Variants in UNC79 observed in about 807,000 individuals in gnomAD.
UNC79 encodes protein unc-79 homolog.
In UNC79, 37 loss-of-function variants were observed where a neutral mutation model predicts 283.1. That is an observed-to-expected ratio of 0.13 (90% CI 0.10 to 0.17). The LOEUF (loss-of-function observed/expected upper bound fraction) is 0.17, where lower values mean the gene tolerates loss of function less well. UNC79 is among the 10% of genes least tolerant of loss of function. UNC79 has a pLI of 1.00. For missense variants in UNC79, 2,272 were observed against 3,211.1 expected (o/e 0.71, Z 7.07); for synonymous variants, 1,107 against 1,200.2 (o/e 0.92, Z 1.61).
At chr14:93,463,609 A>G (rs947991959) in intron 1 of UNC79, among the ~76,000 whole-genome samples, 1 of 152,168 alleles carries the variant, frequency 6.6e-6, no homozygotes, top group African/African-American at 2.4e-5. Context: ...TGACAGGACA[A>G]GGAAAGGAGC....
intron 1 of UNC79, among the ~76,000 whole-genome samples, chr14:93,348,514 C>T (rs140727934): frequency 2.0e-5 from 3 of 152,186 alleles, no homozygotes; most frequent in African/African-American, 4.8e-5. Context: ...AGATGTGTAG[C>T]TGTGAGGTAA....
intron 1 of UNC79, among the ~76,000 whole-genome samples, chr14:93,353,911 C>T (rs1025057588): frequency 6.6e-6 from 1 of 152,140 alleles, no homozygotes; most frequent in African/African-American, 2.4e-5. Context: ...CTAACTTGCC[C>T]TAGAAGAGGA....
intron 7 of UNC79, among the ~76,000 whole-genome samples, chr14:93,517,317 A>C (rs1240712463): frequency 4.1e-4 from 29 of 70,360 alleles, no homozygotes; most frequent in Admixed American, 5.6e-4. Context: ...TTTTCTTTCT[A>C]TCCTTCTCTT....
chr14:93,656,530 T>G (rs901990300), intron 38 of UNC79, among the ~76,000 whole-genome samples: 1 of 152,154 alleles, frequency 6.6e-6, no homozygotes, highest in African/African-American at 2.4e-5. Context: ...GGCATGCACC[T>G]GTAGTCCCAG....
intron 14 of UNC79, among the ~76,000 whole-genome samples, chr14:93,557,986 T>C (rs2062272755): frequency 6.6e-6 from 1 of 152,138 alleles, no homozygotes; most frequent in South Asian, 2.1e-4. Flanking sequence ...TGAGAGAGAA[T>C]ACCCCCACAT....
At chr14:93,635,566 CT>C (rs1050601669) in intron 31 of UNC79, among the ~76,000 whole-genome samples, 5 of 152,118 alleles carry the variant, frequency 3.3e-5, no homozygotes, top group African/African-American at 1.2e-4. Context: ...TATTGAGATA[CT>C]TTTATTTTCT....
chr14:93,517,960 T>C, intron 7 of UNC79, among the ~76,000 whole-genome samples: 1 of 151,674 alleles, frequency 6.6e-6, no homozygotes, highest in East Asian at 1.9e-4. Context: ...TCTTGCATTC[T>C]TGGGATGAAC....
chr14:93,603,498 G>C (rs2142075876), intron 26 of UNC79, 80 bp downstream of exon 26: 1 of 1,496,082 alleles, frequency 6.7e-7, no homozygotes, highest in East Asian at 2.4e-5. Context: ...AATGTTCACA[G>C]AGAGTATAGC....
intron 1 of UNC79, among the ~76,000 whole-genome samples, chr14:93,465,252 A>G (rs923964804): frequency 1.3e-5 from 2 of 152,158 alleles, no homozygotes; most frequent in Admixed American, 1.3e-4. Context: ...ATATATATGC[A>G]GATATGTATA....
chr14:93,417,393 T>C (rs2055486601), intron 1 of UNC79, among the ~76,000 whole-genome samples: 3 of 152,238 alleles, frequency 2.0e-5, no homozygotes, highest in Non-Finnish European at 4.4e-5. Flanking sequence ...AGAGATCCGC[T>C]GTTAGTCTGA....
chr14:93,692,071 G>A, intron 46 of UNC79, 125 bp downstream of exon 49: 3 of 1,142,128 alleles, frequency 2.6e-6, no homozygotes, highest in Non-Finnish European at 3.8e-6. Context: ...TCGGGGATAT[G>A]TTACCTTATA....
chr14:93,540,234 G>A (rs2061311091), intron 12 of UNC79, among the ~76,000 whole-genome samples: 2 of 152,346 alleles, frequency 1.3e-5, no homozygotes, highest in Middle Eastern at 3.4e-3. Context: ...TTGAATATCA[G>A]ATGGTGAATA....
At chr14:93,353,279 C>T (rs2054015582) in intron 1 of UNC79, among the ~76,000 whole-genome samples, 1 of 152,214 alleles carries the variant, frequency 6.6e-6, no homozygotes, top group Non-Finnish European at 1.5e-5. Flanking sequence ...TCACAGCTCA[C>T]TGAAGCCTTG....
chr14:93,643,019 C>T (rs542902672), intron 33 of UNC79, among the ~76,000 whole-genome samples: 6 of 152,300 alleles, frequency 3.9e-5, no homozygotes, highest in Admixed American at 3.9e-4. Context: ...GTTCATAAAA[C>T]TCATCTGAGT....
At chr14:93,391,790 A>G (rs553928409) in intron 1 of UNC79, among the ~76,000 whole-genome samples, 1 of 152,374 alleles carries the variant, frequency 6.6e-6, no homozygotes, top group East Asian at 1.9e-4. Flanking sequence ...GACGATTTAT[A>G]TAAAATGATC....
At chr14:93,661,964 ACTATATGAAATCAT>A (rs1206149846) in intron 39 of UNC79, among the ~76,000 whole-genome samples, 1 of 152,208 alleles carries the variant, frequency 6.6e-6, no homozygotes, top group Non-Finnish European at 1.5e-5. Context: ...AGTAAGATAA[ACTATATGAAATCAT>A]CCATCTAACT....
At chr14:93,648,883 A>T (rs1456925711) in intron 35 of UNC79, among the ~76,000 whole-genome samples, 1 of 152,216 alleles carries the variant, frequency 6.6e-6, no homozygotes, top group African/African-American at 2.4e-5. Context: ...TATGACTTAT[A>T]AACCACATTA....
intron 1 of UNC79, among the ~76,000 whole-genome samples, chr14:93,403,588 A>G (rs1220898034): frequency 6.6e-6 from 1 of 152,026 alleles, no homozygotes; most frequent in Non-Finnish European, 1.5e-5. Flanking sequence ...TCAGATAGAA[A>G]GTGCGTTTCC....
chr14:93,405,176 G>A (rs546670607), intron 1 of UNC79, among the ~76,000 whole-genome samples: 3 of 151,644 alleles, frequency 2.0e-5, no homozygotes, highest in South Asian at 4.2e-4. Context: ...CCAGCTACTC[G>A]GGAGGCTGAG....
Sources: gnomAD v4.1 joint callset for allele counts (sites outside exome capture counted in the v4.1 genomes callset) on GRCh38, gnomAD v4.1.1 for gene constraint, MANE v1.5 for transcripts, NCBI Gene and HGNC (gene_info 2026-07-23, HGNC 2026-07-21) for gene names.